The following PTPN13 variants were observed in gnomAD, a reference collection of about 807,000 sequenced individuals.
PTPN13 encodes the protein tyrosine-protein phosphatase non-receptor type 13.
A neutral mutation model predicts 284.0 loss-of-function variants in PTPN13; 191 were observed. The observed-to-expected ratio is 0.67, with a 90% CI of 0.60 to 0.76. The LOEUF (loss-of-function observed/expected upper bound fraction) is 0.76. Among genes scored for constraint, PTPN13 ranks in the 30% least tolerant of loss-of-function variants. The probability of loss-of-function intolerance (pLI) is 0.00; values close to 1 mark genes in which losing one functional copy is unlikely to be tolerated. For missense variants in PTPN13, 2,797 were observed against 2,939.9 expected, an observed-to-expected ratio of 0.95 and a Z score of 1.12; for synonymous variants, 986 against 1,022.3, an observed-to-expected ratio of 0.96 and a Z score of 0.68.
chr4:86,732,491 A>G lies in PTPN13; in HGVS notation c.1683+17A>G, dbSNP rs764271799. The G allele has an allele frequency of 5.6e-6, 9 of 1,594,766 alleles. No homozygotes were observed. The highest frequency in any genetic ancestry group is 1.1e-5 in the South Asian group (1 of 88,300). The stretch of plus-strand genomic sequence containing the variant: ...TCTATTCTTGTAAGTAATAAAACCA[A>G]TTTGTGTCACTCTTAGAAAATAATT... On this transcript the variant is annotated intron_variant, in intron 11 of 47. Transcript: ENST00000411767.
chr4:86,668,119 G>A (rs1727295057), intron 2 of PTPN13, among the ~76,000 whole-genome samples: 1 of 152,052 alleles, frequency 6.6e-6, no homozygotes, highest in African/African-American at 2.4e-5. Context: ...TGGAATGTTG[G>A]TAAAATCTAT....
At chr4:86,598,870 T>C (rs1764052017) in intron 1 of PTPN13, among the ~76,000 whole-genome samples, 2 of 152,140 alleles carry the variant, frequency 1.3e-5, no homozygotes, top group Admixed American at 6.5e-5. Flanking sequence ...GCTCAAGTGA[T>C]CCCTCCGCCT....
intron 35 of PTPN13, among the ~76,000 whole-genome samples, chr4:86,776,496 C>T (rs914714242): frequency 4.6e-5 from 7 of 152,134 alleles, no homozygotes; most frequent in Admixed American, 2.0e-4. Context: ...GTACCAATTG[C>T]GTTATGCCTA....
chr4:86,697,812 AG>A (rs1730731513), intron 6 of PTPN13, among the ~76,000 whole-genome samples: 1 of 152,166 alleles, frequency 6.6e-6, no homozygotes, highest in Non-Finnish European at 1.5e-5. Context: ...GTGAATTGAA[AG>A]GTAAATGATG....
chr4:86,637,478 A>G (rs993434474), intron 2 of PTPN13, among the ~76,000 whole-genome samples: 16 of 151,636 alleles, frequency 1.1e-4, no homozygotes, highest in African/African-American at 3.9e-4. Context: ...AAGCTTATCC[A>G]CCATGATCAA....
At chr4:86,682,090 A>G (rs1288333582) in intron 3 of PTPN13, among the ~76,000 whole-genome samples, 3 of 152,220 alleles carry the variant, frequency 2.0e-5, no homozygotes, top group Non-Finnish European at 4.4e-5. Context: ...AGATACCAGG[A>G]TGAAATATTT....
chr4:86,612,265 T>C (rs760272689), intron 1 of PTPN13, among the ~76,000 whole-genome samples: 1 of 152,130 alleles, frequency 6.6e-6, no homozygotes, highest in Non-Finnish European at 1.5e-5. Flanking sequence ...GAAAATATGA[T>C]CTATAATGAG....
intron 6 of PTPN13, among the ~76,000 whole-genome samples, chr4:86,699,975 G>A (rs1028796696): frequency 6.6e-6 from 1 of 152,192 alleles, no homozygotes; most frequent in African/African-American, 2.4e-5. Context: ...ATATTTCTTG[G>A]TGTTCTTTAT....
At chr4:86,599,204 A>G (rs1764087238) in intron 1 of PTPN13, among the ~76,000 whole-genome samples, 1 of 152,214 alleles carries the variant, frequency 6.6e-6, no homozygotes, top group Non-Finnish European at 1.5e-5. Context: ...TCTAGACTCT[A>G]CTAGAATAGA....
chr4:86,766,552 T>G (rs755080168), intron 27 of PTPN13, 35 bp downstream of exon 27: 21 of 1,436,788 alleles, frequency 1.5e-5, no homozygotes, highest in Non-Finnish European at 2.8e-6. Flanking sequence ...TTACAGTACC[T>G]TAGAAGAGCA....
chr4:86,776,607 TATC>T (rs1445845115), intron 35 of PTPN13, among the ~76,000 whole-genome samples: 1 of 152,162 alleles, frequency 6.6e-6, no homozygotes, highest in African/African-American at 2.4e-5. Context: ...AAATTGAAAA[TATC>T]ATAAGTCAAA....
chr4:86,675,817 A>G (rs1728213486), intron 3 of PTPN13, among the ~76,000 whole-genome samples: 1 of 152,064 alleles, frequency 6.6e-6, no homozygotes, highest in South Asian at 2.1e-4. Flanking sequence ...AGGTGTACTT[A>G]TTTGACAATT....
intron 40 of PTPN13, among the ~76,000 whole-genome samples, chr4:86,789,504 GTTT>G (rs1257005241): frequency 2.0e-5 from 3 of 152,070 alleles, no homozygotes; most frequent in Non-Finnish European, 4.4e-5. Context: ...TTCTTAGTAA[GTTT>G]TTAACAAGAG....
rs958373755 is a variant in PTPN13 at position 86,671,103 on chromosome 4, T to C, written c.116-1262T>C. On this transcript the variant is annotated intron_variant, in intron 2 of 47. Transcript: ENST00000411767. ...TTGACACCATTATTAAAGACATGTC[T>C]CAGATTCATAAACATGCAGGTTTTT... Among the ~76,000 whole-genome samples, 3 of 152,212 alleles carry C rather than the reference T, an allele frequency of 2.0e-5. No individual in the cohort carries two copies. In the South Asian group the frequency reaches 6.2e-4, roughly 32 times the overall value.
intron 7 of PTPN13, among the ~76,000 whole-genome samples, chr4:86,705,007 T>C (rs1731576279): frequency 6.6e-6 from 1 of 152,198 alleles, no homozygotes; most frequent in Non-Finnish European, 1.5e-5. Context: ...CTTGCTGGTC[T>C]TATGCTGTGC....
chr4:86,770,115 T>C lies in PTPN13; in HGVS notation c.4719T>C (p.Ala1573=), dbSNP rs1271189652. 6.2e-7 allele frequency: 1 copy of C among 1,613,734 alleles called. No individual in the cohort carries two copies. Among genetic ancestry groups the C allele is most frequent in the Non-Finnish European group, 8.5e-7 (1 of 1,179,752 alleles). The change falls in exon 30 of 48, where the codon GCT becomes GCC. Residue 1573 remains alanine (A), a synonymous_variant. Transcript: ENST00000411767. ...KGLSQQEVIS[A]LRGTAPEVFL... is the part of the protein sequence containing the mutation. ...GGTACCCCCAGGAAGTCATATCTGC[T>C]CTCAGGGGAACTGCTCCAGAAGTAT...
At chr4:86,748,587 T>A (rs2149198676) in intron 17 of PTPN13, among the ~76,000 whole-genome samples, 1 of 152,310 alleles carries the variant, frequency 6.6e-6, no homozygotes, top group African/African-American at 2.4e-5. Flanking sequence ...TACAGGCTAC[T>A]CGTAAAGTAA....
intron 7 of PTPN13, among the ~76,000 whole-genome samples, chr4:86,708,855 C>T (rs1189408801): frequency 2.6e-5 from 4 of 151,922 alleles, no homozygotes; most frequent in African/African-American, 9.7e-5. Context: ...TAAGGTTCCC[C>T]ATGATTATAT....
chr4:86,597,037 C>T (rs868412561), intron 1 of PTPN13, among the ~76,000 whole-genome samples: 28 of 152,160 alleles, frequency 1.8e-4, no homozygotes, highest in Middle Eastern at 3.4e-3. Context: ...CTGATGCAAC[C>T]AAGTACGACT....
Sources: gnomAD v4.1 joint callset for allele counts (sites outside exome capture counted in the v4.1 genomes callset) on GRCh38, gnomAD v4.1.1 for gene constraint, MANE v1.5 for transcripts, NCBI Gene and HGNC (gene_info 2026-07-23, HGNC 2026-07-21) for gene names.